Variants in CCDC149 observed in about 807,000 individuals in gnomAD.
CCDC149 encodes coiled-coil domain-containing protein 149.
CCDC149 carries 45 observed loss-of-function variants against 59.9 expected under a neutral mutation model. That is an observed-to-expected ratio of 0.75 (90% CI 0.59 to 0.96). The LOEUF (loss-of-function observed/expected upper bound fraction) is 0.96. CCDC149 is among the 40% of genes least tolerant of loss of function. CCDC149 has a pLI of 0.00. For missense variants in CCDC149, 584 were observed against 664.7 expected (o/e 0.88, Z 1.33); for synonymous variants, 245 against 260.6 (o/e 0.94, Z 0.58).
intron 1 of CCDC149, among the ~76,000 whole-genome samples, chr4:24,889,763 C>T (rs1276287058): frequency 6.6e-6 from 1 of 152,144 alleles, no homozygotes; most frequent in African/African-American, 2.4e-5. Context: ...AAAGCATGTA[C>T]AATATTTTGG....
At chr4:24,918,126 G>A (rs1379001943) in intron 1 of CCDC149, among the ~76,000 whole-genome samples, 1 of 152,104 alleles carries the variant, frequency 6.6e-6, no homozygotes, top group East Asian at 1.9e-4. Context: ...TAGGGTGGGG[G>A]ACAATCTTTA....
chr4:24,885,874 A>T (rs1452563350), intron 1 of CCDC149, among the ~76,000 whole-genome samples: 1 of 152,238 alleles, frequency 6.6e-6, no homozygotes, highest in Non-Finnish European at 1.5e-5. Context: ...ACTATGTGCC[A>T]TGCATTCTTA....
chr4:24,831,623 C>G lies in CCDC149; in HGVS notation c.848G>C (p.Gly283Ala). 6.2e-7 allele frequency: 1 copy of G among 1,614,014 alleles called. No homozygotes were observed. Among genetic ancestry groups the G allele is most frequent in the South Asian group, 1.1e-5 (1 of 91,064 alleles). Residue 283 changes from glycine to alanine, a missense_variant, in exon 9 of 13, where the codon GGA (glycine) becomes GCA (alanine). Coordinates refer to ENST00000635206, the MANE Select transcript of CCDC149 (RefSeq NM_001330643.2). ...CTGCGGAGTAGCTGGGAGGCTGCAT[C>G]CATGATCCTCAGATAGCAGATCCTG...
At chr4:24,853,803 G>A (rs1717829029) in intron 3 of CCDC149, among the ~76,000 whole-genome samples, 1 of 152,152 alleles carries the variant, frequency 6.6e-6, no homozygotes, top group Non-Finnish European at 1.5e-5. Flanking sequence ...ATTCTAGGGG[G>A]CGGCCAGAGA....
intron 1 of CCDC149, among the ~76,000 whole-genome samples, chr4:24,961,613 T>C (rs1723637970): frequency 6.6e-6 from 1 of 152,068 alleles, no homozygotes; most frequent in Non-Finnish European, 1.5e-5. Context: ...AAAACAGAGA[T>C]ACAGACCAAT....
intron 1 of CCDC149, among the ~76,000 whole-genome samples, chr4:24,879,033 G>C (rs1194275070): frequency 1.3e-5 from 2 of 152,202 alleles, no homozygotes; most frequent in East Asian, 3.9e-4. Flanking sequence ...GGGATTTGAA[G>C]AGCAGAAGCT....
At chr4:24,838,309 G>T in intron 4 of CCDC149, 37 bp from the exon 5 acceptor site, 1 of 1,473,842 alleles carries the variant, frequency 6.8e-7, no homozygotes, top group Non-Finnish European at 9.5e-7. Flanking sequence ...AAAAGGCACA[G>T]AGAATAAACA....
intron 1 of CCDC149, among the ~76,000 whole-genome samples, chr4:24,883,212 T>C (rs1171157282): frequency 6.6e-6 from 1 of 151,872 alleles, no homozygotes; most frequent in East Asian, 1.9e-4. Flanking sequence ...TCTTTTTTTT[T>C]TTTTTAAAGG....
intron 3 of CCDC149, among the ~76,000 whole-genome samples, chr4:24,855,002 C>T (rs769161327): frequency 6.6e-5 from 10 of 152,170 alleles, no homozygotes; most frequent in Admixed American, 1.3e-4. Context: ...GGAGCACTTG[C>T]CATCTGTTAT....
At chr4:24,976,445 G>A (rs1462136614) in intron 1 of CCDC149, among the ~76,000 whole-genome samples, 1 of 152,176 alleles carries the variant, frequency 6.6e-6, no homozygotes, top group Admixed American at 6.5e-5. Flanking sequence ...GGGTGCGGTG[G>A]CTCATGTCTG....
At chr4:24,923,303 T>C (rs956621545) in intron 1 of CCDC149, among the ~76,000 whole-genome samples, 9 of 152,222 alleles carry the variant, frequency 5.9e-5, no homozygotes, top group Non-Finnish European at 1.3e-4. Context: ...ACAAATACTT[T>C]CTGAGTTCCT....
chr4:24,902,582 C>T (rs1721229386), intron 1 of CCDC149, among the ~76,000 whole-genome samples: 4 of 152,198 alleles, frequency 2.6e-5, no homozygotes, highest in African/African-American at 9.7e-5. Flanking sequence ...CTGTCTTCAA[C>T]CAAAGGGAAG....
At chr4:24,816,474 C>T (rs957046050) in intron 12 of CCDC149, among the ~76,000 whole-genome samples, 1 of 152,090 alleles carries the variant, frequency 6.6e-6, no homozygotes, top group African/African-American at 2.4e-5. Context: ...ATGTCACAAG[C>T]GTTGAGCTAT....
At chr4:24,891,461 T>A (rs1720525766) in intron 1 of CCDC149, among the ~76,000 whole-genome samples, 1 of 152,210 alleles carries the variant, frequency 6.6e-6, no homozygotes, top group Non-Finnish European at 1.5e-5. Context: ...ACCAGTGGAC[T>A]GCAAGCCAAT....
At chr4:24,962,404 G>A (rs368546134) in intron 1 of CCDC149, among the ~76,000 whole-genome samples, 167 of 152,296 alleles carry the variant, frequency 1.1e-3, no homozygotes, top group African/African-American at 3.6e-3. Context: ...TCAGTGTGGC[G>A]ATTCCTCAGG....
At chr4:24,960,604 A>T (rs1174038030) in intron 1 of CCDC149, among the ~76,000 whole-genome samples, 3 of 152,358 alleles carry the variant, frequency 2.0e-5, no homozygotes, top group Non-Finnish European at 4.4e-5. Context: ...AGGTGGAGTG[A>T]CTATACGAAT....
intron 12 of CCDC149, among the ~76,000 whole-genome samples, chr4:24,813,527 T>TATATATAAAA (rs1405803152): frequency 2.2e-5 from 2 of 91,264 alleles, no homozygotes; most frequent in Admixed American, 2.5e-4. Context: ...TATATATATA[T>TATATATAAAA]AAAACCTAAA....
chr4:24,896,375 C>T (rs768988901), intron 1 of CCDC149, among the ~76,000 whole-genome samples: 4 of 152,040 alleles, frequency 2.6e-5, no homozygotes, highest in Non-Finnish European at 2.9e-5. Flanking sequence ...TGAAGAAAGA[C>T]GAATGTAAAG....
chr4:24,903,450 T>C (rs552900051), intron 1 of CCDC149, among the ~76,000 whole-genome samples: 22 of 152,066 alleles, frequency 1.4e-4, no homozygotes, highest in Admixed American at 2.6e-4. Flanking sequence ...GCGCTGAAAT[T>C]TGGGGGACAC....
Sources: allele counts gnomAD v4.1 joint callset (sites outside exome capture counted in the v4.1 genomes callset), GRCh38; gene constraint gnomAD v4.1.1; transcripts MANE v1.5; gene names NCBI Gene and HGNC (gene_info 2026-07-23, HGNC 2026-07-21).